ATAD2B: variants seen among roughly 807,000 people sequenced by gnomAD.
ATAD2B encodes the protein ATPase family AAA domain-containing protein 2B.
A neutral mutation model predicts 167.6 loss-of-function variants in ATAD2B; 40 were observed. The observed-to-expected ratio is 0.24, with a 90% CI of 0.19 to 0.31. The LOEUF (loss-of-function observed/expected upper bound fraction) is 0.31, where lower values mean the gene tolerates loss of function less well. ATAD2B is among the 10% of genes least tolerant of loss of function. The pLI, the probability that ATAD2B is intolerant of heterozygous loss-of-function variation, is 1.00. For synonymous variants in ATAD2B, 579 were observed against 596.5 expected, an observed-to-expected ratio of 0.97 and a Z score of 0.43; for missense variants, 1,242 against 1,757.2, an observed-to-expected ratio of 0.71 and a Z score of 5.24.
At chr2:23,908,865 T>C (rs942046369) in intron 1 of ATAD2B, among the ~76,000 whole-genome samples, 21 of 151,486 alleles carry the variant, frequency 1.4e-4, no homozygotes, top group Non-Finnish European at 1.9e-4. Context: ...GAAATCATCA[T>C]TCCCAGTAAA....
At chr2:23,858,619 G>A (rs139817636) in intron 12 of ATAD2B, among the ~76,000 whole-genome samples, 10 of 151,990 alleles carry the variant, frequency 6.6e-5, no homozygotes, top group Non-Finnish European at 2.9e-5. Flanking sequence ...GAGTACCTGG[G>A]ACTACAGGCA....
intron 13 of ATAD2B, among the ~76,000 whole-genome samples, chr2:23,844,318 A>C (rs576037169): frequency 1.6e-4 from 24 of 152,262 alleles, no homozygotes; most frequent in Admixed American, 1.1e-3. Flanking sequence ...GAAAAAAAAA[A>C]ACACACAACA....
intron 12 of ATAD2B, among the ~76,000 whole-genome samples, chr2:23,861,029 T>G (rs1237364146): frequency 6.6e-6 from 1 of 152,094 alleles, no homozygotes; most frequent in East Asian, 1.9e-4. Context: ...GGAAAAAAAG[T>G]TAAAAGAACT....
At chr2:23,908,011 C>A (rs574046268) in intron 1 of ATAD2B, among the ~76,000 whole-genome samples, 6 of 151,976 alleles carry the variant, frequency 3.9e-5, no homozygotes, top group South Asian at 2.1e-4. Flanking sequence ...AAGACTTAAG[C>A]GTTAGACCTA....
At chr2:23,683,053 G>A in the ATAD2B span, among the ~76,000 whole-genome samples, 1 of 152,246 alleles carries the variant, frequency 6.6e-6, no homozygotes, top group African/African-American at 2.4e-5. Flanking sequence ...AGCAGAAGCA[G>A]GATCCTCAAT....
chr2:23,826,962 G>A (rs1057008017), intron 15 of ATAD2B, among the ~76,000 whole-genome samples: 2 of 152,136 alleles, frequency 1.3e-5, no homozygotes, highest in African/African-American at 4.8e-5. Flanking sequence ...CATACTCTAT[G>A]AGGCATAAAT....
intron 13 of ATAD2B, among the ~76,000 whole-genome samples, chr2:23,843,920 C>G (rs936774839): frequency 1.3e-5 from 2 of 152,064 alleles, no homozygotes; most frequent in Non-Finnish European, 2.9e-5. Flanking sequence ...TACTCAAGAT[C>G]CGTATCACAA....
In ATAD2B at chr2:23,807,261, T is replaced by C. The variant is rs139945865; in HGVS notation, c.2454+3055A>G. On this transcript the variant is annotated intron_variant, in intron 18 of 27. Transcript: ENST00000238789. ...TGCTATTTACTAATATAAAGATTAA[T>C]AGTAGTGTGTACACACACATGCACA... is the stretch of plus-strand genomic sequence containing the variant. 2.3e-3 allele frequency among the ~76,000 whole-genome samples: 349 copies of C among 150,942 alleles called. 2 individuals are homozygous for C. Among genetic ancestry groups the C allele is most frequent in the African/African-American group, 8.2e-3 (337 of 40,986 alleles).
the ATAD2B span, among the ~76,000 whole-genome samples, chr2:23,734,559 A>G: frequency 9.8e-5 from 15 of 152,332 alleles, no homozygotes; most frequent in African/African-American, 3.6e-4. Context: ...ACTTACAAAC[A>G]TGGCAAAGAT....
chr2:23,738,353 T>G, the ATAD2B span, among the ~76,000 whole-genome samples: 21 of 152,240 alleles, frequency 1.4e-4, no homozygotes, highest in African/African-American at 3.1e-4. Flanking sequence ...CTGATCTCTC[T>G]GCAGAAACTC....
chr2:23,868,545 GATTACAGGCGT>G (rs2150081594), intron 9 of ATAD2B, among the ~76,000 whole-genome samples: 1 of 152,272 alleles, frequency 6.6e-6, no homozygotes, highest in South Asian at 2.1e-4. Context: ...AAAATGCTGG[GATTACAGGCGT>G]AAGCCATCAG....
the ATAD2B span, among the ~76,000 whole-genome samples, chr2:23,738,386 A>G: frequency 1.3e-5 from 2 of 152,290 alleles, no homozygotes; most frequent in East Asian, 3.9e-4. Context: ...GAGAGTGGGG[A>G]CCAATATTCA....
intron 1 of ATAD2B, among the ~76,000 whole-genome samples, chr2:23,925,610 T>C (rs1260499671): frequency 6.6e-6 from 1 of 152,216 alleles, no homozygotes; most frequent in South Asian, 2.1e-4. Context: ...AACAATCTCA[T>C]AGTAAAACAA....
At chr2:23,730,299 CTAAA>C in the ATAD2B span, among the ~76,000 whole-genome samples, 1 of 152,026 alleles carries the variant, frequency 6.6e-6, no homozygotes, top group East Asian at 1.9e-4. Flanking sequence ...CAATACACAT[CTAAA>C]TTATTCAGGG....
At chr2:23,770,554 T>G (rs1162135207) in intron 22 of ATAD2B, among the ~76,000 whole-genome samples, 1 of 152,216 alleles carries the variant, frequency 6.6e-6, no homozygotes, top group Non-Finnish European at 1.5e-5. Flanking sequence ...AAGTCTTTTT[T>G]TGCATGCTGA....
chr2:23,880,865 G>A, intron 6 of ATAD2B, 110 bp from the exon 7 acceptor site: 2 of 676,134 alleles, frequency 3.0e-6, no homozygotes, highest in Non-Finnish European at 2.5e-6. Context: ...TTTCTGCACA[G>A]GTGACATTTA....
intron 12 of ATAD2B, among the ~76,000 whole-genome samples, chr2:23,860,699 G>A (rs899749865): frequency 1.3e-5 from 2 of 152,072 alleles, no homozygotes; most frequent in African/African-American, 4.8e-5. Context: ...GGCTGAGCAT[G>A]GTAACTCACG....
the ATAD2B span, chr2:23,691,638 G>A: frequency 6.5e-7 from 1 of 1,538,000 alleles, no homozygotes; most frequent in Non-Finnish European, 8.8e-7. Flanking sequence ...GTGGCCGCAG[G>A]GCAGGAGGTA....
At chr2:23,808,761 T>G (rs978536363) in intron 18 of ATAD2B, among the ~76,000 whole-genome samples, 1 of 152,150 alleles carries the variant, frequency 6.6e-6, no homozygotes, top group African/African-American at 2.4e-5. Context: ...CTTGCATGCT[T>G]TAGTAATGTT....
Sources: allele counts gnomAD v4.1 joint callset (sites outside exome capture counted in the v4.1 genomes callset), GRCh38; gene constraint gnomAD v4.1.1; transcripts MANE v1.5; gene names NCBI Gene and HGNC (gene_info 2026-07-23, HGNC 2026-07-21).